Variants in TPTE2 observed in about 807,000 individuals in gnomAD.
The protein encoded by TPTE2 is transmembrane phosphoinositide 3-phosphatase and tensin homolog 2.
TPTE2 carries 53 observed loss-of-function variants against 78.6 expected under a neutral mutation model. That is an observed-to-expected ratio of 0.67 (90% CI 0.54 to 0.85). The LOEUF is 0.85. Ranked by LOEUF, TPTE2 falls within the 40% of genes least tolerant of loss-of-function variation. The pLI is 0.00. For synonymous variants in TPTE2, 175 were observed against 206.2 expected (o/e 0.85, Z 1.30); for missense variants, 461 against 623.0 (o/e 0.74, Z 2.77).
Position 19,475,567 on chromosome 13 carries a change from A to G in TPTE2, c.230+6T>C. On this transcript the variant is annotated splice_donor_region_variant and intron_variant, in intron 5 of 19. Transcript: ENST00000400230. ...TAATACATGGTGTTTTCTATGTCTC[A>G]CATACCCAAATGCAAAGGATGATAC... The G allele has an allele frequency of 6.2e-7, 1 of 1,608,048 alleles. No individual in the cohort carries two copies. Among genetic ancestry groups the G allele is most frequent in the Non-Finnish European group, 8.5e-7 (1 of 1,177,884 alleles).
At chr13:19,489,493 A>C (rs1880854842) in intron 3 of TPTE2, among the ~76,000 whole-genome samples, 1 of 150,734 alleles carries the variant, frequency 6.6e-6, no homozygotes, top group Non-Finnish European at 1.5e-5. Flanking sequence ...ATATATATAC[A>C]CATGCTCATA....
chr13:19,451,194 C>T (rs772456088), exon 11 of TPTE2: 44 of 1,613,322 alleles, frequency 2.7e-5, no homozygotes, highest in Middle Eastern at 1.6e-4. Context: ...ATAGTGGTTT[C>T]GATGTTTCTT....
the TPTE2 span, among the ~76,000 whole-genome samples, chr13:19,544,165 A>C: frequency 6.6e-6 from 1 of 151,990 alleles, no homozygotes; most frequent in Non-Finnish European, 1.5e-5. Context: ...TATACCAATT[A>C]AAAGACAGAG....
the TPTE2 span, among the ~76,000 whole-genome samples, chr13:19,544,510 T>C: frequency 6.6e-6 from 1 of 152,172 alleles, no homozygotes; most frequent in Non-Finnish European, 1.5e-5. Flanking sequence ...AAGTTCTAGA[T>C]AGATTAAATA....
intron 4 of TPTE2, among the ~76,000 whole-genome samples, chr13:19,481,137 G>C (rs1359552025): frequency 1.3e-5 from 2 of 152,186 alleles, no homozygotes; most frequent in African/African-American, 4.8e-5. Flanking sequence ...TATGCCTAAA[G>C]AACTTAGAAG....
intron 10 of TPTE2, among the ~76,000 whole-genome samples, chr13:19,451,843 G>GTGTGTATATA (rs1555249617): frequency 8.8e-5 from 13 of 147,028 alleles, no homozygotes; most frequent in Admixed American, 1.4e-4. Context: ...GTGTGTGTGT[G>GTGTGTATATA]TATATATGTA....
intron 6 of TPTE2, among the ~76,000 whole-genome samples, chr13:19,473,063 T>C (rs903505913): frequency 5.3e-5 from 8 of 151,722 alleles, no homozygotes; most frequent in Non-Finnish European, 8.8e-5. Flanking sequence ...AAAGAGTCTC[T>C]CTCTCTCTCT....
At chr13:19,502,646 T>A (rs1335652381) in intron 1 of TPTE2, among the ~76,000 whole-genome samples, 2 of 81,314 alleles carry the variant, frequency 2.5e-5, no homozygotes, top group African/African-American at 5.0e-5. Flanking sequence ...TGGGGACTGT[T>A]GTGGGGTAGG....
intron 1 of TPTE2, among the ~76,000 whole-genome samples, chr13:19,493,851 A>C (rs1881153521): frequency 6.6e-6 from 1 of 152,170 alleles, no homozygotes; most frequent in African/African-American, 2.4e-5. Context: ...GTCCTGCTTA[A>C]AAGGCCCTCC....
chr13:19,479,105 A>G (rs1024958706), intron 4 of TPTE2, among the ~76,000 whole-genome samples: 2 of 152,188 alleles, frequency 1.3e-5, no homozygotes, highest in African/African-American at 4.8e-5. Context: ...ACATGCATAA[A>G]TATGTAACAA....
exon 17 of TPTE2, chr13:19,430,521 C>G (rs1378711079): frequency 1.2e-6 from 2 of 1,611,282 alleles, no homozygotes; most frequent in East Asian, 2.2e-5. Flanking sequence ...TCCATTACTA[C>G]TTGGACTTTT....
chr13:19,518,814 A>G (rs1017540134), intron 1 of TPTE2, among the ~76,000 whole-genome samples: 3 of 152,204 alleles, frequency 2.0e-5, no homozygotes, highest in African/African-American at 4.8e-5. Flanking sequence ...CTTTTCTTAG[A>G]TCTGTCCAAG....
intron 5 of TPTE2, 96 bp downstream of exon 8, chr13:19,475,477 C>T: frequency 7.1e-7 from 1 of 1,413,370 alleles, no homozygotes. Context: ...CTGCCCGCCT[C>T]AGCCCCCCAG....
At chr13:19,491,966 C>G (rs184324009) in intron 3 of TPTE2, among the ~76,000 whole-genome samples, 84 of 152,288 alleles carry the variant, frequency 5.5e-4, no homozygotes, top group African/African-American at 1.9e-3. Flanking sequence ...TAATGAGCAA[C>G]TACAGAATTC....
chr13:19,492,919 A>G lies in TPTE2; in HGVS notation c.66-16T>C, dbSNP rs781077670. 1 of 1,613,872 alleles carries G rather than the reference A, an allele frequency of 6.2e-7. No homozygotes were observed. Among genetic ancestry groups the G allele is most frequent in the African/African-American group, 1.3e-5 (1 of 74,946 alleles). The stretch of plus-strand genomic sequence containing the variant: ...TGTGTGTGGGCTAGAGGATGATAAA[A>G]GAATACAGTCAGATAGGAGACACGA... On this transcript the variant is annotated splice_polypyrimidine_tract_variant and intron_variant, in intron 2 of 19. Transcript: ENST00000400230.
chr13:19,482,712 T>A (rs1163646649), intron 3 of TPTE2, among the ~76,000 whole-genome samples, 165 bp from the exon 7 acceptor site: 4 of 152,048 alleles, frequency 2.6e-5, no homozygotes, highest in African/African-American at 9.7e-5. Flanking sequence ...AAAATTACAA[T>A]CATTAACCAG....
chr13:19,476,350 C>T (rs1348952503), intron 4 of TPTE2, among the ~76,000 whole-genome samples: 5 of 149,134 alleles, frequency 3.4e-5, no homozygotes, highest in African/African-American at 7.4e-5. Context: ...GTTGGAGGCT[C>T]TTCAGGAGGA....
At chr13:19,452,238 A>T (rs1878231467) in intron 10 of TPTE2, among the ~76,000 whole-genome samples, 1 of 152,150 alleles carries the variant, frequency 6.6e-6, no homozygotes, top group Admixed American at 6.5e-5. Context: ...TTTAGAAATC[A>T]CATATAAAAA....
intron 18 of TPTE2, among the ~76,000 whole-genome samples, chr13:19,426,036 G>A (rs1876036807): frequency 6.6e-6 from 1 of 151,520 alleles, no homozygotes; most frequent in Non-Finnish European, 1.5e-5. Context: ...TCCAGCCTGG[G>A]TGACAGAGTG....
Sources: gnomAD v4.1 joint callset for allele counts (sites outside exome capture counted in the v4.1 genomes callset) on GRCh38, gnomAD v4.1.1 for gene constraint, MANE v1.5 for transcripts, NCBI Gene and HGNC (gene_info 2026-07-23, HGNC 2026-07-21) for gene names.